WIPF2: variants seen among roughly 807,000 people sequenced by gnomAD.
WIPF2 encodes the protein WAS/WASL interacting protein family member 2.
A neutral mutation model predicts 38.8 loss-of-function variants in WIPF2; 23 were observed. The ratio of observed to expected loss-of-function variants is 0.59; its 90% confidence interval spans 0.43 to 0.84. The LOEUF (loss-of-function observed/expected upper bound fraction) is 0.84. Among genes scored for constraint, WIPF2 ranks in the 40% least tolerant of loss-of-function variants. WIPF2 has a pLI of 0.00. For synonymous variants in WIPF2, 210 were observed against 223.2 expected (o/e 0.94, Z 0.53); for missense variants, 574 against 580.5 (o/e 0.99, Z 0.11).
At chr17:40,237,736 C>T (rs1163572220) in intron 1 of WIPF2, among the ~76,000 whole-genome samples, 1 of 150,056 alleles carries the variant, frequency 6.7e-6, no homozygotes, top group African/African-American at 2.5e-5. Context: ...ACCTCGGCCT[C>T]CCGGGTTCGA....
rs916556613 is a variant in WIPF2 at position 40,271,228 on chromosome 17, A to T, written c.971-2562A>T. Reference sequence around the variant, plus strand: ...TGGCATCAAGCAATCTGCCTGCCTCAGCCTCCCAGAGTGTTGGGATTACAG... The same window carrying T: ...TGGCATCAAGCAATCTGCCTGCCTCTGCCTCCCAGAGTGTTGGGATTACAG... On this transcript the variant is annotated intron_variant, in intron 5 of 7. Coordinates refer to ENST00000323571, the MANE Select transcript of WIPF2 (RefSeq NM_133264.5). 5.3e-5 allele frequency among the ~76,000 whole-genome samples: 8 copies of T among 152,322 alleles called. No homozygotes were observed. The East Asian group carries it at 1.5e-3, about 29-fold the overall frequency.
At chr17:40,219,737 T>C (rs1436827188) in intron 1 of WIPF2, 1 of 152,760 alleles carries the variant, frequency 6.5e-6, no homozygotes, top group Non-Finnish European at 1.5e-5. Context: ...GGTCGAATAT[T>C]GGTATGGGGC....
intron 1 of WIPF2, among the ~76,000 whole-genome samples, chr17:40,241,243 C>G (rs1262072926): frequency 6.6e-6 from 1 of 152,148 alleles, no homozygotes; most frequent in Admixed American, 6.6e-5. Context: ...GATTAGCGCC[C>G]AGGGATCTTT....
intron 1 of WIPF2, chr17:40,220,565 G>T (rs1451315548): frequency 2.1e-5 from 2 of 94,760 alleles, no homozygotes; most frequent in Non-Finnish European, 4.0e-5. Flanking sequence ...CGCCTAACGT[G>T]TGTGTGTGTA....
intron 5 of WIPF2, among the ~76,000 whole-genome samples, chr17:40,266,275 CCCT>C (rs1342346659): frequency 6.6e-6 from 1 of 151,510 alleles, no homozygotes; most frequent in African/African-American, 2.4e-5. Flanking sequence ...TGAGCCCTCG[CCCT>C]CCTACATTAG....
Position 40,278,221 on chromosome 17 carries a change from G to C in WIPF2, c.1319G>C (p.Arg440Thr). Residue 440 changes from arginine to threonine, a missense_variant, in exon 8 of 8, where the codon AGG becomes ACG. By Grantham distance (71) the Arg-to-Thr change is moderately conservative (BLOSUM62 -1). Transcript: ENST00000323571. ...RGAPPLPPIL[R>T] ...GCCCCACCTCTGCCACCCATTCTCA[G>C]GTGAAGCCTGGCTTGGTCCCGTTCC... is the stretch of plus-strand genomic sequence containing the variant. The C allele has an allele frequency of 1.2e-6, 2 of 1,613,798 alleles. No homozygotes were observed. Among genetic ancestry groups the C allele is most frequent in the Non-Finnish European group, 8.5e-7 (1 of 1,179,890 alleles).
rs538538170 is a variant in WIPF2, at chr17:40,240,771, C to T, written c.-69-15620C>T. 3.3e-5 allele frequency among the ~76,000 whole-genome samples: 5 copies of T among 151,772 alleles called. No homozygotes were observed. The East Asian group carries it at 7.8e-4, about 24-fold the overall frequency. On this transcript the variant is annotated intron_variant, in intron 1 of 7. Coordinates refer to ENST00000323571, the MANE Select transcript of WIPF2 (RefSeq NM_133264.5). ...CATCCTGGCTAACACAGTGAAACCC[C>T]GTCTCTACTAAAAATACAAAAAAAT...
At chr17:40,276,939 G>C in intron 6 of WIPF2, 144 bp from the exon 7 acceptor site, 1 of 665,184 alleles carries the variant, frequency 1.5e-6, no homozygotes, top group Admixed American at 2.7e-5. Context: ...GCTGTTCTCA[G>C]GGTGGTTGGT....
chr17:40,264,634 G>A lies in WIPF2; in HGVS notation c.458G>A (p.Arg153Lys). The A allele has an allele frequency of 8.1e-6, 13 of 1,614,072 alleles. No individual in the cohort carries two copies. Among genetic ancestry groups the A allele is most frequent in the Non-Finnish European group, 1.1e-5 (13 of 1,179,978 alleles). Residue 153 changes from arginine to lysine, a missense_variant, in exon 5 of 8, where the codon AGA becomes AAA. Transcript: ENST00000323571. ...CTCCCAGAACTGCCCCGGATGCAGAGACCCTCTTTACCGGACCTCTCTCGG... is the reference window on the plus strand; with the variant it reads ...CTCCCAGAACTGCCCCGGATGCAGAAACCCTCTTTACCGGACCTCTCTCGG... ...ASLPELPRMQ[R>K]PSLPDLSRPN...
rs150451636 is a variant in WIPF2 at position 40,273,973 on chromosome 17, C to T, written c.1154C>T (p.Ser385Phe). Residue 385 changes from serine (S) to phenylalanine (F), a missense_variant, in exon 6 of 8, where the codon TCT becomes TTT. Coordinates refer to ENST00000323571, the MANE Select transcript of WIPF2 (RefSeq NM_133264.5). Reference sequence around the variant, plus strand: ...CCCCTGAGGAATGGCCACAGAGATTCTATCACCACTGTCCGGTCTTTCTTG... The same window carrying T: ...CCCCTGAGGAATGGCCACAGAGATTTTATCACCACTGTCCGGTCTTTCTTG... ...PPPLRNGHRD[S>F]ITTVRSFLDD... is the part of the protein sequence containing the mutation. 1.9e-6 allele frequency: 3 copies of T among 1,577,510 alleles called. No homozygotes were observed. In the African/African-American group the frequency reaches 4.1e-5, roughly 22 times the overall value.
In WIPF2 at chr17:40,273,946, C is replaced by T. The variant is rs752254553; in HGVS notation, c.1127C>T (p.Pro376Leu). The T allele has an allele frequency of 7.5e-6, 12 of 1,591,148 alleles. No individual in the cohort carries two copies. The highest frequency in any genetic ancestry group is 1.7e-4 in the Middle Eastern group (1 of 5,988). The change falls in exon 6 of 8, where the codon CCG becomes CTG. Residue 376 changes from proline to leucine, a missense_variant. Transcript: ENST00000323571. The part of the protein sequence containing the change: ...TPAGPPPPPP[P>L]PLRNGHRDSI... ...GCTGGGCCACCCCCTCCTCCTCCAC[C>T]GCCCCTGAGGAATGGCCACAGAGAT...
intron 1 of WIPF2, among the ~76,000 whole-genome samples, chr17:40,240,649 TA>T (rs912567293): frequency 2.0e-5 from 3 of 151,050 alleles, no homozygotes; most frequent in Non-Finnish European, 3.0e-5. Flanking sequence ...TATGTCTTTA[TA>T]AAAAAAAATC....
intron 1 of WIPF2, among the ~76,000 whole-genome samples, chr17:40,251,338 A>AT (rs199868665): frequency 0.016 from 2,236 of 140,266 alleles, 55 homozygotes; most frequent in African/African-American, 0.052. Context: ...GTTTTGGTTC[A>AT]TTTTTTTTTT....
intron 1 of WIPF2, among the ~76,000 whole-genome samples, chr17:40,227,510 A>G (rs1301831043): frequency 2.6e-5 from 4 of 152,262 alleles, no homozygotes; most frequent in South Asian, 2.1e-4. Context: ...TTGTCTTCCT[A>G]TCAATCCAGT....
At position 40,278,266 on chromosome 17, in the gene WIPF2, TCTC is replaced by T; in HGVS notation, c.*42_*44del. The T allele has an allele frequency of 6.2e-7, 1 of 1,607,738 alleles. No individual in the cohort carries two copies. Among genetic ancestry groups the T allele is most frequent in the Admixed American group, 1.7e-5 (1 of 59,226 alleles). On this transcript the variant is annotated 3_prime_UTR_variant, in exon 8 of 8. Transcript: ENST00000323571. Reference sequence around the variant, plus strand: ...CGTTCCTCAGGAAAAGGATGGACCTTCTCTTCTTCTCAGATGGTCCCTTCCATT... The same window carrying T: ...CGTTCCTCAGGAAAAGGATGGACCTTTTCTTCTCAGATGGTCCCTTCCATT...
intron 2 of WIPF2, 105 bp downstream of exon 2, chr17:40,256,627 G>T (rs2031739999): frequency 1.4e-6 from 2 of 1,408,358 alleles, no homozygotes; most frequent in South Asian, 1.5e-5. Context: ...AAAATTTCTA[G>T]ATTTTCCTAC....
At chr17:40,225,957 A>T (rs1447023497) in intron 1 of WIPF2, among the ~76,000 whole-genome samples, 3 of 152,014 alleles carry the variant, frequency 2.0e-5, no homozygotes, top group African/African-American at 7.2e-5. Context: ...TTCAAAAAAA[A>T]TTTAGTTTCT....
rs1390430534 is a variant in WIPF2, at chr17:40,246,119, C to T, written c.-69-10272C>T. 2.7e-5 allele frequency among the ~76,000 whole-genome samples: 4 copies of T among 147,040 alleles called. No homozygotes were observed. In the Admixed American group the frequency reaches 2.7e-4, roughly 10 times the overall value. ...TTTTTTTTTTTTTTTTCCTGAGTCT[C>T]ACTGTTGCCCAGGCTGGAGTGCAGT... On this transcript the variant is annotated intron_variant, in intron 1 of 7. Coordinates refer to ENST00000323571, the MANE Select transcript of WIPF2 (RefSeq NM_133264.5).
chr17:40,237,670 G>A (rs1555560580), intron 1 of WIPF2, among the ~76,000 whole-genome samples: 1 of 150,060 alleles, frequency 6.7e-6, no homozygotes, highest in Non-Finnish European at 1.5e-5. Context: ...TTTTTAGACA[G>A]AGTCTTACTC....
Sources: allele counts gnomAD v4.1 joint callset (sites outside exome capture counted in the v4.1 genomes callset), GRCh38; gene constraint gnomAD v4.1.1; transcripts MANE v1.5; gene names NCBI Gene and HGNC (gene_info 2026-07-23, HGNC 2026-07-21).